The following MARK2 variants were observed in gnomAD, a reference collection of about 807,000 sequenced individuals.
MARK2 encodes serine/threonine-protein kinase MARK2.
A neutral mutation model predicts 89.8 loss-of-function variants in MARK2; 16 were observed. The observed-to-expected ratio is 0.18, with a 90% confidence interval of 0.12 to 0.27. MARK2 has a LOEUF of 0.27. Ranked by LOEUF, MARK2 falls within the 10% of genes least tolerant of loss-of-function variation. The probability of loss-of-function intolerance (pLI) is 1.00; values close to 1 mark genes in which losing one functional copy is unlikely to be tolerated. For missense variants in MARK2, 621 were observed against 1,049.9 expected (o/e 0.59, Z 5.65); for synonymous variants, 382 against 399.5 (o/e 0.96, Z 0.52).
At chr11:63,859,101 G>T (rs568853107) in intron 1 of MARK2, among the ~76,000 whole-genome samples, 6 of 151,442 alleles carry the variant, frequency 4.0e-5, no homozygotes, top group African/African-American at 1.5e-4. Context: ...TAACTTATAT[G>T]TTGGCTATTG....
rs1291089698 is a variant in MARK2 at position 63,909,794 on chromosome 11, C to T, written c.*557C>T. 1 of 152,432 alleles carries T rather than the reference C, an allele frequency of 6.6e-6. No homozygotes were observed. Among genetic ancestry groups the T allele is most frequent in the African/African-American group, 2.4e-5 (1 of 41,432 alleles). The allele number at this position is 152,432 out of a possible 1,614,324, so 9.4% of individuals were successfully genotyped here. A position where few individuals can be genotyped will look rare whatever the true frequency, so the allele number is the denominator to read the frequency against. On this transcript the variant is annotated 3_prime_UTR_variant, in exon 19 of 19. Transcript: ENST00000402010. ...CTCCAAGCAAACCACCAGAGGTGGCCTTCCCCTGACCTCAGGCCCCTGGGC... is the reference window on the plus strand; with the variant it reads ...CTCCAAGCAAACCACCAGAGGTGGCTTTCCCCTGACCTCAGGCCCCTGGGC...
At chr11:63,868,213 G>A (rs1341401315) in intron 1 of MARK2, among the ~76,000 whole-genome samples, 3 of 151,976 alleles carry the variant, frequency 2.0e-5, no homozygotes, top group Admixed American at 6.6e-5. Flanking sequence ...GCAACATAGC[G>A]AAACCCTGTC....
In MARK2 at chr11:63,909,394, T is replaced by A; in HGVS notation, c.*157T>A. Reference sequence around the variant, plus strand: ...GCCCTTCTCAGTTTTCTCTTACATGTTTGTGGGGGGTGGGAGATTGTTCTC... The same window carrying A: ...GCCCTTCTCAGTTTTCTCTTACATGATTGTGGGGGGTGGGAGATTGTTCTC... On this transcript the variant is annotated 3_prime_UTR_variant, in exon 19 of 19. Coordinates refer to ENST00000402010, the MANE Select transcript of MARK2 (RefSeq NM_001039469.3). The A allele has an allele frequency of 4.1e-6, 3 of 732,694 alleles. No homozygotes were observed. Among genetic ancestry groups the A allele is most frequent in the Non-Finnish European group, 6.2e-6 (3 of 481,614 alleles). The allele number at this position is 732,694 out of a possible 1,614,324, so 45.4% of individuals were successfully genotyped here.
intron 1 of MARK2, among the ~76,000 whole-genome samples, chr11:63,890,033 A>G (rs1370364655): frequency 6.6e-6 from 1 of 152,206 alleles, no homozygotes; most frequent in Non-Finnish European, 1.5e-5. Context: ...GCCAAGCTGA[A>G]TGGTGCAGCC....
At position 63,903,238 on chromosome 11, in the gene MARK2, C is replaced by T; in HGVS notation, c.1514+80C>T. 1.8e-6 allele frequency: 2 copies of T among 1,101,020 alleles called. No individual in the cohort carries two copies. The highest frequency in any genetic ancestry group is 2.8e-6 in the Non-Finnish European group (2 of 725,424). The allele number at this position is 1,101,020 out of a possible 1,614,324, so 68.2% of individuals were successfully genotyped here. A position where few individuals can be genotyped will look rare whatever the true frequency, so the allele number is the denominator to read the frequency against. On this transcript the variant is annotated intron_variant, in intron 14 of 18. Transcript: ENST00000402010. The surrounding 1 kb of genome is among the most constrained non-coding windows in gnomAD (Gnocchi z 5.1). ...TGATGTCTGTCAGCAGCACCGTCTC[C>T]TGTCCCTGCCAGCGCATTGCTCCCT...
chr11:63,860,834 G>A (rs563591980), intron 1 of MARK2, among the ~76,000 whole-genome samples: 44 of 151,922 alleles, frequency 2.9e-4, no homozygotes, highest in African/African-American at 9.4e-4. Context: ...CTCCAGCCTC[G>A]GTGACCGAGT....
intron 3 of MARK2, among the ~76,000 whole-genome samples, chr11:63,896,896 A>G (rs993808136): frequency 6.6e-6 from 1 of 152,128 alleles, no homozygotes; most frequent in Admixed American, 6.5e-5. Context: ...CCACCAAGCC[A>G]TCTTATTCCT....
intron 1 of MARK2, among the ~76,000 whole-genome samples, chr11:63,882,422 A>G (rs1256517759): frequency 6.6e-6 from 1 of 152,010 alleles, no homozygotes; most frequent in Non-Finnish European, 1.5e-5. Context: ...TGTCTCTACT[A>G]AAAATACAAA....
intron 1 of MARK2, among the ~76,000 whole-genome samples, chr11:63,872,004 CA>C (rs1938478479): frequency 6.6e-6 from 1 of 152,230 alleles, no homozygotes; most frequent in Non-Finnish European, 1.5e-5. Context: ...GAGTCAGGCC[CA>C]CTTTCCCTTT....
At chr11:63,894,037 G>C (rs1385610059) in intron 1 of MARK2, among the ~76,000 whole-genome samples, 7 of 152,240 alleles carry the variant, frequency 4.6e-5, no homozygotes, top group Non-Finnish European at 7.3e-5. Flanking sequence ...CTTCAGTGCT[G>C]GTAGTTGTAG....
In MARK2 at chr11:63,902,347, G is replaced by T; in HGVS notation, c.1234+17G>T. 6.2e-7 allele frequency: 1 copy of T among 1,613,656 alleles called. No homozygotes were observed. The highest frequency in any genetic ancestry group is 8.5e-7 in the Non-Finnish European group (1 of 1,179,814). ...GCGACCAGGGTAAATGCTTTTGGGAGTTGTAGGTGGGGACTCACCCCTCTC... is the reference window on the plus strand; with the variant it reads ...GCGACCAGGGTAAATGCTTTTGGGATTTGTAGGTGGGGACTCACCCCTCTC... On this transcript the variant is annotated intron_variant, in intron 12 of 18. Transcript: ENST00000402010. This position sits in a 1 kb window ranked among gnomAD's most constrained non-coding sequence, Gnocchi z 4.2.
rs2135325842 is a variant in MARK2, at chr11:63,895,197, G to A, written c.93G>A (p.Lys31=). 3.1e-6 allele frequency: 5 copies of A among 1,614,090 alleles called. No individual in the cohort carries two copies. The highest frequency in any genetic ancestry group is 4.2e-6 in the Non-Finnish European group (5 of 1,179,990). The change falls in exon 2 of 19, where the codon AAG becomes AAA. Residue 31 remains lysine (K), a synonymous_variant. Coordinates refer to ENST00000402010, the MANE Select transcript of MARK2 (RefSeq NM_001039469.3). ...LGHLDSKPSS[K]SNMIRGRNSA... is the part of the protein sequence containing the mutation. ...ACCTTGACTCCAAGCCCAGCAGTAA[G>A]TCCAACATGATTCGGGGCCGCAACT...
rs1941581092 is a variant in MARK2 at position 63,909,092 on chromosome 11, G to A, written c.2222G>A (p.Gly741Asp). ...CTGCTGTGCATGCACGGCACGCCGG[G>A]CCACGAGGACTTCGTGCAGTGGGAG... ...YMLLCMHGTP[G>D]HEDFVQWEME... The change falls in exon 19 of 19, where the codon GGC (glycine) becomes GAC (aspartate). Residue 741 changes from glycine to aspartate, a missense_variant. Physicochemically the swap from Gly to Asp is moderately conservative, Grantham distance 94. This residue lies in a region of MARK2 where 33 missense variants were observed against 74.5 expected (regional missense o/e 0.44). Coordinates refer to ENST00000402010, the MANE Select transcript of MARK2 (RefSeq NM_001039469.3). 1.2e-6 allele frequency: 2 copies of A among 1,613,832 alleles called. No homozygotes were observed. The highest frequency in any genetic ancestry group is 1.3e-5 in the African/African-American group (1 of 75,058).
intron 1 of MARK2, among the ~76,000 whole-genome samples, chr11:63,885,393 G>T (rs1313439408): frequency 6.6e-6 from 1 of 151,824 alleles, no homozygotes; most frequent in Non-Finnish European, 1.5e-5. Flanking sequence ...ACAAAAATTA[G>T]CCGGGCGTAT....
In MARK2 at chr11:63,903,658, C is replaced by G. The variant is rs780223361; in HGVS notation, c.1515-328C>G. 7.9e-5 allele frequency among the ~76,000 whole-genome samples: 12 copies of G among 152,150 alleles called. No homozygotes were observed. Among genetic ancestry groups the G allele is most frequent in the Non-Finnish European group, 1.8e-4 (12 of 68,026 alleles). ...TGAAAGTTTCCCCTCAGCAACACCC[C>G]ACTCTTTCTGTAGAAGAAACTCTCC... On this transcript the variant is annotated intron_variant, in intron 14 of 18. Coordinates refer to ENST00000402010, the MANE Select transcript of MARK2 (RefSeq NM_001039469.3). The surrounding 1 kb of genome is among the most constrained non-coding windows in gnomAD (Gnocchi z 5.1).
intron 1 of MARK2, among the ~76,000 whole-genome samples, chr11:63,840,914 C>T (rs970361398): frequency 5.6e-4 from 86 of 152,296 alleles, no homozygotes; most frequent in African/African-American, 1.9e-3. Flanking sequence ...TGTCATCTCA[C>T]TTTTGATCCC....
intron 1 of MARK2, among the ~76,000 whole-genome samples, chr11:63,893,254 A>G (rs1940061076): frequency 6.8e-6 from 1 of 146,328 alleles, no homozygotes; most frequent in African/African-American, 2.6e-5. Context: ...CCTGGCCTCA[A>G]GTGATCCTCC....
chr11:63,859,073 G>GT (rs1411485718), intron 1 of MARK2, among the ~76,000 whole-genome samples: 4 of 151,386 alleles, frequency 2.6e-5, no homozygotes, highest in East Asian at 1.9e-4. Context: ...GTAGGTTTGT[G>GT]TTTTTTTGTT....
rs1385697404 is a variant in MARK2, at chr11:63,868,775, AGTGTT to A, written c.55-26382_55-26378del. The stretch of plus-strand genomic sequence containing the variant: ...TTTGATGGGTGGGCAGAGGAACACT[AGTGTT>A]GGGAATATTGTCCAGCGTTGGAGAG... On this transcript the variant is annotated intron_variant, in intron 1 of 18. Coordinates refer to ENST00000402010, the MANE Select transcript of MARK2 (RefSeq NM_001039469.3). 3.7e-5 allele frequency: 17 copies of A among 455,986 alleles called. No individual in the cohort carries two copies. In the East Asian group the frequency reaches 1.1e-3, roughly 30 times the overall value. 28.2% of individuals were successfully genotyped at this position (455,986 alleles called of 1,614,324 possible).
Sources: gnomAD v4.1 joint callset for allele counts (sites outside exome capture counted in the v4.1 genomes callset) on GRCh38, gnomAD v4.1.1 for gene constraint, gnomAD v4.1.1 regional missense constraint, Gnocchi (gnomAD v3.1) non-coding constraint, MANE v1.5 for transcripts, NCBI Gene and HGNC (gene_info 2026-07-23, HGNC 2026-07-21) for gene names.